The following NCAM2 variants were observed in gnomAD, a reference collection of about 807,000 sequenced individuals.
The protein encoded by NCAM2 is N-CAM-2.
A neutral mutation model predicts 98.1 loss-of-function variants in NCAM2; 30 were observed. The ratio of observed to expected loss-of-function variants is 0.31; its 90% CI spans 0.23 to 0.41. The LOEUF is 0.41. NCAM2 is among the 10% of genes least tolerant of loss of function. NCAM2 has a pLI of 1.00. For synonymous variants in NCAM2, 368 were observed against 342.4 expected (o/e 1.07, Z -0.83); for missense variants, 867 against 1,005.8 (o/e 0.86, Z 1.87).
chr21:21,403,054 AT>A (rs1355320648), intron 9 of NCAM2, among the ~76,000 whole-genome samples: 2 of 152,128 alleles, frequency 1.3e-5, no homozygotes, highest in African/African-American at 4.8e-5. Context: ...ATGATTAGTG[AT>A]GTGGAACATT....
At chr21:21,508,376 A>T (rs1471712089) in intron 15 of NCAM2, among the ~76,000 whole-genome samples, 1 of 152,162 alleles carries the variant, frequency 6.6e-6, no homozygotes, top group Non-Finnish European at 1.5e-5. Context: ...TTCAAGTTTA[A>T]GTTTTAAAAC....
chr21:21,102,939 C>A (rs994428137), intron 1 of NCAM2, among the ~76,000 whole-genome samples: 3 of 151,944 alleles, frequency 2.0e-5, no homozygotes, highest in African/African-American at 7.2e-5. Context: ...TTTTATAATT[C>A]TGTGTAAAAT....
intron 1 of NCAM2, among the ~76,000 whole-genome samples, chr21:21,245,851 AG>A (rs2071249066): frequency 3.9e-4 from 1 of 2,580 alleles, no homozygotes; most frequent in Non-Finnish European, 0.022. Context: ...GAGAGAGATA[AG>A]GAAGATGAGG....
chr21:21,065,946 A>G (rs1433145479), intron 1 of NCAM2, among the ~76,000 whole-genome samples: 1 of 152,268 alleles, frequency 6.6e-6, no homozygotes, highest in South Asian at 2.1e-4. Context: ...AATGCATGGT[A>G]TGTGTACCAA....
At chr21:21,517,873 T>A (rs1988799566) in intron 16 of NCAM2, among the ~76,000 whole-genome samples, 1 of 151,958 alleles carries the variant, frequency 6.6e-6, no homozygotes, top group Admixed American at 6.6e-5. Context: ...AAATAAAACT[T>A]TATCACCTTG....
intron 12 of NCAM2, among the ~76,000 whole-genome samples, chr21:21,436,559 G>A (rs1159097299): frequency 6.6e-6 from 1 of 151,852 alleles, no homozygotes; most frequent in African/African-American, 2.4e-5. Context: ...TTTTCTCCTA[G>A]TTTATAAACT....
intron 1 of NCAM2, among the ~76,000 whole-genome samples, chr21:21,128,156 G>C (rs901190238): frequency 1.3e-5 from 2 of 152,088 alleles, no homozygotes; most frequent in Admixed American, 6.6e-5. Context: ...ACTCTAGGTA[G>C]GGGACTGTAG....
chr21:21,346,417 C>A (rs985709217), intron 8 of NCAM2, among the ~76,000 whole-genome samples: 1 of 151,858 alleles, frequency 6.6e-6, no homozygotes, highest in Non-Finnish European at 1.5e-5. Flanking sequence ...AGAGAGAGGT[C>A]CCATCACAAT....
rs569614735 is a variant in NCAM2 at position 21,432,600 on chromosome 21, C to A, written c.1654+319C>A. ...ATGGCTGGATTTTATGAAATGTATG[C>A]TCATGTTTCATTTATTAATATTTCT... On this transcript the variant is annotated intron_variant, in intron 12 of 17. Coordinates refer to ENST00000400546, the MANE Select transcript of NCAM2 (RefSeq NM_004540.5). Among the ~76,000 whole-genome samples the A allele has an allele frequency of 1.1e-4, 16 of 151,006 alleles. No individual in the cohort carries two copies. In the South Asian group the frequency reaches 3.2e-3, roughly 30 times the overall value.
chr21:21,285,835 GAGAT>G (rs2073077126), intron 3 of NCAM2, among the ~76,000 whole-genome samples: 1 of 151,910 alleles, frequency 6.6e-6, no homozygotes, highest in Non-Finnish European at 1.5e-5. Flanking sequence ...CTGGGGTAGA[GAGAT>G]AGAGAACCTT....
chr21:21,115,957 T>TTGTG (rs58824475), intron 1 of NCAM2, among the ~76,000 whole-genome samples: 1,959 of 147,254 alleles, frequency 0.013, 21 homozygotes, highest in South Asian at 0.021. Flanking sequence ...CTCTGAGATT[T>TTGTG]TGTGTGTGTG....
chr21:21,519,821 C>T (rs1988917451), intron 16 of NCAM2, among the ~76,000 whole-genome samples: 1 of 152,078 alleles, frequency 6.6e-6, no homozygotes, highest in Non-Finnish European at 1.5e-5. Context: ...TTTATACTAT[C>T]TTTTACACAT....
chr21:21,226,201 G>T (rs1373119136), intron 1 of NCAM2, among the ~76,000 whole-genome samples: 1 of 151,714 alleles, frequency 6.6e-6, no homozygotes, highest in Admixed American at 6.6e-5. Flanking sequence ...CTACCTATTG[G>T]GTGCTACGTG....
chr21:21,301,379 T>C lies in NCAM2; in HGVS notation c.619+9138T>C, dbSNP rs1212692032. 7.1e-5 allele frequency among the ~76,000 whole-genome samples: 4 copies of C among 56,536 alleles called. No individual in the cohort carries two copies. The East Asian group carries it at 2.3e-3, about 32-fold the overall frequency. 37.1% of individuals were successfully genotyped at this position (56,536 alleles called of 152,430 possible). On this transcript the variant is annotated intron_variant, in intron 5 of 17. Transcript: ENST00000400546. Reference sequence around the variant, plus strand: ...TTTTATAGTTTGGGGTCTTTTTTTTTTTCTATTTTTTTTTTTTAATTATAC... The same window carrying C: ...TTTTATAGTTTGGGGTCTTTTTTTTCTTCTATTTTTTTTTTTTAATTATAC...
At chr21:21,254,324 G>A (rs368494045) in intron 1 of NCAM2, among the ~76,000 whole-genome samples, 3 of 152,224 alleles carry the variant, frequency 2.0e-5, no homozygotes, top group South Asian at 2.1e-4. Flanking sequence ...CTATTAAGTC[G>A]CAACGCCAGC....
intron 1 of NCAM2, among the ~76,000 whole-genome samples, chr21:21,279,342 G>T (rs2072843523): frequency 6.6e-6 from 1 of 151,984 alleles, no homozygotes; most frequent in Non-Finnish European, 1.5e-5. Flanking sequence ...TTCCAGTCCA[G>T]TGTTATCTGG....
chr21:21,292,037 A>G, intron 4 of NCAM2, 67 bp from the exon 5 acceptor site: 1 of 1,478,496 alleles, frequency 6.8e-7, no homozygotes, highest in Non-Finnish European at 9.1e-7. Context: ...ACTCTTAACA[A>G]TTTAGAGCAC....
At chr21:21,085,007 G>A (rs2065880984) in intron 1 of NCAM2, among the ~76,000 whole-genome samples, 1 of 152,072 alleles carries the variant, frequency 6.6e-6, no homozygotes, top group African/African-American at 2.4e-5. Context: ...TCCTTCTATC[G>A]CCGCTTCTGC....
At chr21:21,405,882 A>G (rs2076729457) in intron 9 of NCAM2, among the ~76,000 whole-genome samples, 1 of 152,182 alleles carries the variant, frequency 6.6e-6, no homozygotes, top group African/African-American at 2.4e-5. Flanking sequence ...GAAGCAAGTG[A>G]TTAACTTACC....
Sources: gnomAD v4.1 joint callset for allele counts (sites outside exome capture counted in the v4.1 genomes callset) on GRCh38, gnomAD v4.1.1 for gene constraint, MANE v1.5 for transcripts, NCBI Gene and HGNC (gene_info 2026-07-23, HGNC 2026-07-21) for gene names.